The following TRAF3IP1 variants were observed in gnomAD, a reference collection of about 807,000 sequenced individuals.
TRAF3IP1 encodes TRAF3-interacting protein 1.
In TRAF3IP1, 53 loss-of-function variants were observed where a neutral mutation model predicts 89.9. That is an observed-to-expected ratio of 0.59 (90% CI 0.47 to 0.74). The LOEUF (loss-of-function observed/expected upper bound fraction) is 0.74, where lower values mean the gene tolerates loss of function less well. Among genes scored for constraint, TRAF3IP1 ranks in the 30% least tolerant of loss-of-function variants. TRAF3IP1 has a pLI of 0.00. For missense variants in TRAF3IP1, 806 were observed against 866.1 expected (o/e 0.93, Z 0.87); for synonymous variants, 311 against 322.1 (o/e 0.97, Z 0.37).
At chr2:238,335,993 T>C (rs1698374246) in intron 7 of TRAF3IP1, among the ~76,000 whole-genome samples, 1 of 151,930 alleles carries the variant, frequency 6.6e-6, no homozygotes, top group African/African-American at 2.4e-5. Context: ...GGTTTTACCA[T>C]GTTGGCCAGG....
At chr2:238,321,754 G>A (rs2106353741) in intron 1 of TRAF3IP1, among the ~76,000 whole-genome samples, 1 of 152,334 alleles carries the variant, frequency 6.6e-6, no homozygotes, top group Middle Eastern at 3.4e-3. Context: ...CCAAGGGCAC[G>A]TGGGAACTCA....
At chr2:238,344,901 G>A (rs1698822808) in intron 9 of TRAF3IP1, among the ~76,000 whole-genome samples, 1 of 152,188 alleles carries the variant, frequency 6.6e-6, no homozygotes, top group Admixed American at 6.5e-5. Flanking sequence ...ACTACTTGGA[G>A]AGCCCCACCA....
chr2:238,328,242 A>G (rs746784672), intron 3 of TRAF3IP1, among the ~76,000 whole-genome samples: 14 of 152,060 alleles, frequency 9.2e-5, no homozygotes, highest in Non-Finnish European at 1.9e-4. Context: ...ATCCTTGCCA[A>G]TGCTTGTGGT....
intron 8 of TRAF3IP1, 103 bp from the exon 9 acceptor site, chr2:238,344,394 G>C (rs1337893461): frequency 2.2e-6 from 2 of 907,390 alleles, no homozygotes. Context: ...TTGCAGTGTG[G>C]GAAAACATAG....
At chr2:238,361,376 A>G (rs1203656974) in intron 15 of TRAF3IP1, among the ~76,000 whole-genome samples, 1 of 151,986 alleles carries the variant, frequency 6.6e-6, no homozygotes, top group African/African-American at 2.4e-5. Flanking sequence ...TTCTTTATAC[A>G]TTATTTATTT....
At chr2:238,324,795 G>A (rs1197696869) in intron 1 of TRAF3IP1, among the ~76,000 whole-genome samples, 1 of 151,540 alleles carries the variant, frequency 6.6e-6, no homozygotes, top group East Asian at 1.9e-4. Flanking sequence ...GTGGAGACAG[G>A]GTTTCACCAT....
At chr2:238,350,168 G>A (rs1286529437) in intron 12 of TRAF3IP1, among the ~76,000 whole-genome samples, 2 of 152,204 alleles carry the variant, frequency 1.3e-5, no homozygotes, top group African/African-American at 4.8e-5. Context: ...TTGGAGGCAG[G>A]AGTAGATGTG....
chr2:238,356,209 A>T, intron 15 of TRAF3IP1, 129 bp downstream of exon 15: 1 of 829,820 alleles, frequency 1.2e-6, no homozygotes, highest in Non-Finnish European at 1.9e-6. Flanking sequence ...TTTAAATGCC[A>T]TTCCTGGCCA....
chr2:238,376,008 C>G (rs1461381684), intron 15 of TRAF3IP1, among the ~76,000 whole-genome samples: 1 of 152,042 alleles, frequency 6.6e-6, no homozygotes, highest in African/African-American at 2.4e-5. Context: ...GCGTGGAACT[C>G]TTTCTGTGTT....
chr2:238,321,099 C>T (rs1165657542), intron 1 of TRAF3IP1, among the ~76,000 whole-genome samples: 1 of 152,132 alleles, frequency 6.6e-6, no homozygotes, highest in Non-Finnish European at 1.5e-5. Flanking sequence ...GCCTGTAGGC[C>T]CAATTCCGCG....
At chr2:238,326,536 G>T (rs1697842316) in intron 3 of TRAF3IP1, among the ~76,000 whole-genome samples, 1 of 149,058 alleles carries the variant, frequency 6.7e-6, no homozygotes, top group South Asian at 2.1e-4. Context: ...TTTCACTGTG[G>T]GCTAGAAACT....
At chr2:238,384,529 C>T (rs1335608952) in intron 15 of TRAF3IP1, among the ~76,000 whole-genome samples, 2 of 147,566 alleles carry the variant, frequency 1.4e-5, no homozygotes, top group Non-Finnish European at 3.0e-5. Context: ...CATGCCACCC[C>T]GCCTGGCTAA....
chr2:238,344,212 C>T (rs1698787996), intron 8 of TRAF3IP1, among the ~76,000 whole-genome samples: 1 of 152,040 alleles, frequency 6.6e-6, no homozygotes, highest in African/African-American at 2.4e-5. Flanking sequence ...TCAGGTAGCT[C>T]CAGAAATGGG....
At position 238,347,569 on chromosome 2, in the gene TRAF3IP1, G is replaced by A. The variant is rs1391843422; in HGVS notation, c.1282+94G>A. 5 of 1,270,432 alleles carry A rather than the reference G, an allele frequency of 3.9e-6. 1 individual carries two copies. The highest frequency in any genetic ancestry group is 3.8e-5 in the South Asian group (3 of 78,104). 78.7% of individuals were successfully genotyped at this position (1,270,432 alleles called of 1,614,324 possible). On this transcript the variant is annotated intron_variant, in intron 10 of 16. Transcript: ENST00000373327. ...CTCTCAGATTCATGCTTTATAAAGT[G>A]CATTAGTGAAAGTAACTTATTTTAT... is the stretch of plus-strand genomic sequence containing the variant.
At chr2:238,364,667 A>G (rs1699800481) in intron 15 of TRAF3IP1, among the ~76,000 whole-genome samples, 1 of 152,002 alleles carries the variant, frequency 6.6e-6, no homozygotes, top group Non-Finnish European at 1.5e-5. Flanking sequence ...TATGATTTTT[A>G]GATGCTTTTT....
chr2:238,331,187 A>C (rs1698103201), intron 5 of TRAF3IP1, among the ~76,000 whole-genome samples: 1 of 151,768 alleles, frequency 6.6e-6, no homozygotes, highest in Non-Finnish European at 1.5e-5. Flanking sequence ...TCGGCCGGGC[A>C]TGGTGGCTCA....
At chr2:238,366,452 T>C (rs1021732436) in intron 15 of TRAF3IP1, among the ~76,000 whole-genome samples, 1 of 151,812 alleles carries the variant, frequency 6.6e-6, no homozygotes, top group East Asian at 1.9e-4. Context: ...GAAAAAAAAA[T>C]AGATACACAT....
intron 15 of TRAF3IP1, among the ~76,000 whole-genome samples, chr2:238,380,437 C>T (rs1319824845): frequency 6.6e-6 from 1 of 152,150 alleles, no homozygotes; most frequent in East Asian, 1.9e-4. Flanking sequence ...GGGGTGTCCT[C>T]TTGGATTTGG....
chr2:238,377,062 C>A (rs983078974), intron 15 of TRAF3IP1, among the ~76,000 whole-genome samples: 1 of 152,068 alleles, frequency 6.6e-6, no homozygotes, highest in Non-Finnish European at 1.5e-5. Flanking sequence ...GCCCAAGCTC[C>A]GCACCATTGT....
Sources: gnomAD v4.1 joint callset for allele counts (sites outside exome capture counted in the v4.1 genomes callset) on GRCh38, gnomAD v4.1.1 for gene constraint, MANE v1.5 for transcripts, NCBI Gene and HGNC (gene_info 2026-07-23, HGNC 2026-07-21) for gene names.